The following TNS3 variants were observed in gnomAD, a reference collection of about 807,000 sequenced individuals.
TNS3 encodes tensin 3.
In TNS3, 45 loss-of-function variants were observed where a neutral mutation model predicts 140.9. The observed-to-expected ratio is 0.32, with a 90% CI of 0.25 to 0.41. The LOEUF (loss-of-function observed/expected upper bound fraction) is 0.41, where lower values mean the gene tolerates loss of function less well. Ranked by LOEUF, TNS3 falls within the 10% of genes least tolerant of loss-of-function variation. The pLI, the probability that TNS3 is intolerant of heterozygous loss-of-function variation, is 1.00. For missense variants in TNS3, 1,716 were observed against 1,906.7 expected (o/e 0.90, Z 1.86); for synonymous variants, 815 against 788.4 (o/e 1.03, Z -0.56).
intron 1 of TNS3, among the ~76,000 whole-genome samples, chr7:47,565,304 T>C (rs575323800): frequency 7.4e-4 from 112 of 151,870 alleles, no homozygotes; most frequent in African/African-American, 2.7e-3. Flanking sequence ...CTCGATCTCC[T>C]GACCTCGTGA....
intron 10 of TNS3, among the ~76,000 whole-genome samples, chr7:47,419,953 T>C (rs1457548744): frequency 6.6e-6 from 1 of 152,142 alleles, no homozygotes; most frequent in Non-Finnish European, 1.5e-5. Flanking sequence ...TGGGTAGTAA[T>C]AAAACTCTGG....
chr7:47,387,998 T>A (rs1452262038), intron 16 of TNS3, among the ~76,000 whole-genome samples: 2 of 152,180 alleles, frequency 1.3e-5, no homozygotes, highest in Non-Finnish European at 2.9e-5. Context: ...ACAGGCACAA[T>A]GAAGTTGCAG....
intron 17 of TNS3, among the ~76,000 whole-genome samples, chr7:47,361,206 C>CCAAAAAAAAAAAAAAAAAAAA (rs1790298107): frequency 2.1e-5 from 1 of 47,154 alleles, no homozygotes; most frequent in Non-Finnish European, 4.6e-5. Context: ...GTAACCATGC[C>CCAAAAAAAAAAAAAAAAAAAA]AAAAAAAAAA....
intron 25 of TNS3, 21 bp downstream of exon 25, chr7:47,293,712 G>A (rs1364136551): frequency 6.2e-7 from 1 of 1,609,570 alleles, no homozygotes; most frequent in South Asian, 1.1e-5. Flanking sequence ...AACATTGACA[G>A]CAACCTCTCA....
chr7:47,320,352 C>T (rs1330902940), intron 20 of TNS3, among the ~76,000 whole-genome samples: 1 of 152,198 alleles, frequency 6.6e-6, no homozygotes, highest in Non-Finnish European at 1.5e-5. Context: ...AACCTCATTC[C>T]TTTTCCTTTT....
intron 3 of TNS3, among the ~76,000 whole-genome samples, chr7:47,486,341 C>A (rs1180945608): frequency 6.6e-6 from 1 of 151,664 alleles, no homozygotes; most frequent in Non-Finnish European, 1.5e-5. Context: ...GCCTATGCCT[C>A]ATGTGTGTGT....
chr7:47,434,407 G>T (rs899583749), intron 8 of TNS3, among the ~76,000 whole-genome samples: 1 of 151,942 alleles, frequency 6.6e-6, no homozygotes, highest in Non-Finnish European at 1.5e-5. Context: ...ATAGGGAGCT[G>T]CCCATTAATG....
At chr7:47,295,607 A>C (rs964886556) in intron 24 of TNS3, among the ~76,000 whole-genome samples, 10 of 152,150 alleles carry the variant, frequency 6.6e-5, no homozygotes, top group Admixed American at 6.5e-4. Flanking sequence ...TCTCCCCTAC[A>C]CAACGCCTTC....
At chr7:47,399,388 A>G (rs1793024158) in intron 15 of TNS3, among the ~76,000 whole-genome samples, 1 of 152,198 alleles carries the variant, frequency 6.6e-6, no homozygotes, top group Non-Finnish European at 1.5e-5. Context: ...TAAAAACAAA[A>G]CAAAACAAAA....
rs948602812 is a variant in TNS3, at chr7:47,529,176, C to T, written c.-264-29G>A. 8.9e-6 allele frequency: 10 copies of T among 1,128,704 alleles called. No homozygotes were observed. The African/African-American group carries it at 1.3e-4, about 15-fold the overall frequency. The allele number at this position is 1,128,704 out of a possible 1,614,324, so 69.9% of individuals were successfully genotyped here. A position where few individuals can be genotyped will look rare whatever the true frequency, so the allele number is the denominator to read the frequency against. On this transcript the variant is annotated intron_variant, in intron 1 of 30. Coordinates refer to ENST00000311160, the MANE Select transcript of TNS3 (RefSeq NM_022748.12). ...AAAAAGTAAAGGAAGAAATTGTCAA[C>T]GTTTCATCTCATAGTTTGTTTCTTT...
At chr7:47,357,724 C>T (rs1220642456) in intron 17 of TNS3, among the ~76,000 whole-genome samples, 4 of 146,428 alleles carry the variant, frequency 2.7e-5, no homozygotes, top group South Asian at 2.4e-4. Flanking sequence ...TCTAAGAGAA[C>T]GGGTAGGCGC....
At chr7:47,460,995 T>C (rs1353482537) in intron 4 of TNS3, among the ~76,000 whole-genome samples, 2 of 152,190 alleles carry the variant, frequency 1.3e-5, no homozygotes, top group Non-Finnish European at 2.9e-5. Flanking sequence ...AAAATAAGTT[T>C]ATTGAGCAAT....
chr7:47,285,635 G>A (rs1258490536), intron 27 of TNS3, among the ~76,000 whole-genome samples: 1 of 152,162 alleles, frequency 6.6e-6, no homozygotes, highest in Non-Finnish European at 1.5e-5. Flanking sequence ...AGCATCATGA[G>A]AGCCGACTAG....
At chr7:47,317,425 T>A (rs1228424899) in intron 20 of TNS3, among the ~76,000 whole-genome samples, 1 of 152,252 alleles carries the variant, frequency 6.6e-6, no homozygotes, top group Non-Finnish European at 1.5e-5. Context: ...GATGTCCCAT[T>A]TATATTCAAG....
At chr7:47,459,586 C>T (rs1796397445) in intron 4 of TNS3, among the ~76,000 whole-genome samples, 1 of 152,082 alleles carries the variant, frequency 6.6e-6, no homozygotes, top group South Asian at 2.1e-4. Flanking sequence ...AATGTAAATT[C>T]CCCCACAAGA....
intron 16 of TNS3, among the ~76,000 whole-genome samples, chr7:47,389,467 AT>A (rs1313094538): frequency 6.6e-6 from 1 of 152,176 alleles, no homozygotes; most frequent in Non-Finnish European, 1.5e-5. Flanking sequence ...TTGTGGGCTG[AT>A]TTCTGCAAAC....
chr7:47,318,978 T>C (rs1787572056), intron 20 of TNS3, among the ~76,000 whole-genome samples: 1 of 152,204 alleles, frequency 6.6e-6, no homozygotes, highest in Non-Finnish European at 1.5e-5. Context: ...GGCTTTCCTT[T>C]AGAAACGGCA....
chr7:47,398,702 C>T (rs1322316244), intron 15 of TNS3, among the ~76,000 whole-genome samples: 1 of 151,988 alleles, frequency 6.6e-6, no homozygotes, highest in African/African-American at 2.4e-5. Flanking sequence ...TATGACAAAC[C>T]CATAGCCAAT....
intron 20 of TNS3, among the ~76,000 whole-genome samples, chr7:47,336,777 T>A (rs1332725385): frequency 6.6e-6 from 1 of 152,200 alleles, no homozygotes; most frequent in Non-Finnish European, 1.5e-5. Flanking sequence ...TAAAAAATTA[T>A]AAACTAAGTG....
Sources: gnomAD v4.1 joint callset for allele counts (sites outside exome capture counted in the v4.1 genomes callset) on GRCh38, gnomAD v4.1.1 for gene constraint, MANE v1.5 for transcripts, NCBI Gene and HGNC (gene_info 2026-07-23, HGNC 2026-07-21) for gene names.